SYT16: variants seen among roughly 807,000 people sequenced by gnomAD.
SYT16 encodes synaptotagmin-16.
In SYT16, 42 loss-of-function variants were observed where a neutral mutation model predicts 61.4. That is an observed-to-expected ratio of 0.68 (90% CI 0.53 to 0.89). SYT16 has a LOEUF of 0.89. Among genes scored for constraint, SYT16 ranks in the 40% least tolerant of loss-of-function variants. The pLI is 0.00. For synonymous variants in SYT16, 314 were observed against 302.3 expected, an observed-to-expected ratio of 1.04 and a Z score of -0.40; for missense variants, 804 against 807.3, an observed-to-expected ratio of 1.00 and a Z score of 0.05.
At position 62,102,183 on chromosome 14, in the gene SYT16, A is replaced by G. The variant is rs557270272; in HGVS notation, c.*1476A>G. 37 of 152,060 alleles carry G rather than the reference A, an allele frequency of 2.4e-4. No individual in the cohort carries two copies. The highest frequency in any genetic ancestry group is 8.7e-4 in the African/African-American group (36 of 41,484). The allele number at this position is 152,060 out of a possible 1,614,324, so 9.4% of individuals were successfully genotyped here. On this transcript the variant is annotated 3_prime_UTR_variant, in exon 8 of 8. Coordinates refer to ENST00000683842, the MANE Select transcript of SYT16 (RefSeq NM_001367656.1). ...GGCTGTATACAGTTAAAAACACATA[A>G]CTCCTCCTCAGCTCCACGTTTTGAC...
intron 1 of SYT16, among the ~76,000 whole-genome samples, chr14:61,834,789 G>T (rs946990711): frequency 2.6e-5 from 4 of 152,052 alleles, no homozygotes; most frequent in African/African-American, 9.7e-5. Context: ...AGTTGTACTG[G>T]TATATAAATA....
At position 61,821,039 on chromosome 14, in the gene SYT16, T is replaced by A. The variant is rs569762243; in HGVS notation, c.-325+8229T>A. Among the ~76,000 whole-genome samples, 3 of 152,172 alleles carry A rather than the reference T, an allele frequency of 2.0e-5. No individual in the cohort carries two copies. In the East Asian group the frequency reaches 5.8e-4, roughly 29 times the overall value. On this transcript the variant is annotated intron_variant, in intron 1 of 7. Coordinates refer to ENST00000683842, the MANE Select transcript of SYT16 (RefSeq NM_001367656.1). ...TGCTCTAACTCCCCATACCTGCCAA[T>A]ATGCTTTTCCCTTTGGTTTCACTAT...
chr14:62,044,997 G>C (rs1391174115), intron 3 of SYT16, among the ~76,000 whole-genome samples: 1 of 152,136 alleles, frequency 6.6e-6, no homozygotes, highest in Non-Finnish European at 1.5e-5. Context: ...AATTAGCTGG[G>C]CGTGGTGGCA....
intron 1 of SYT16, among the ~76,000 whole-genome samples, chr14:61,916,426 A>G (rs2049124057): frequency 6.6e-6 from 1 of 152,054 alleles, no homozygotes; most frequent in South Asian, 2.1e-4. Context: ...AGATTCTGGG[A>G]GGGCTTTTTT....
intron 1 of SYT16, among the ~76,000 whole-genome samples, chr14:61,926,626 G>T (rs1320339378): frequency 6.6e-6 from 1 of 152,202 alleles, no homozygotes. Context: ...TATTGGTCTC[G>T]TGGGAGAATT....
rs985510435 is a variant in SYT16 at position 62,075,532 on chromosome 14, T to C, written c.993+141T>C. ...TATCTGCAATAAATTTTTGTCCAGA[T>C]GACCAAAATCCCATGCATGTCAATA... On this transcript the variant is annotated intron_variant, in intron 5 of 7. Coordinates refer to ENST00000683842, the MANE Select transcript of SYT16 (RefSeq NM_001367656.1). 5 of 906,980 alleles carry C rather than the reference T, an allele frequency of 5.5e-6. No individual in the cohort carries two copies. In the African/African-American group the frequency reaches 7.1e-5, roughly 13 times the overall value. The allele number at this position is 906,980 out of a possible 1,614,324, so 56.2% of individuals were successfully genotyped here. A position where few individuals can be genotyped will look rare whatever the true frequency, so the allele number is the denominator to read the frequency against.
intron 2 of SYT16, among the ~76,000 whole-genome samples, chr14:61,978,767 C>A (rs561167536): frequency 6.6e-6 from 1 of 152,234 alleles, no homozygotes; most frequent in South Asian, 2.1e-4. Context: ...CCACCTGGCT[C>A]CCTCCCTCAC....
chr14:62,026,930 C>T (rs1371877071), intron 3 of SYT16, among the ~76,000 whole-genome samples: 1 of 151,788 alleles, frequency 6.6e-6, no homozygotes, highest in Non-Finnish European at 1.5e-5. Context: ...TACTTTTTTG[C>T]CTGCTTGATC....
intron 1 of SYT16, among the ~76,000 whole-genome samples, chr14:61,915,808 C>T (rs2049100896): frequency 6.6e-6 from 1 of 152,186 alleles, no homozygotes; most frequent in South Asian, 2.1e-4. Context: ...CTGAAGAACC[C>T]ATTTGAAGGT....
intron 1 of SYT16, among the ~76,000 whole-genome samples, chr14:61,935,549 G>A (rs562937525): frequency 6.6e-6 from 1 of 152,254 alleles, no homozygotes; most frequent in East Asian, 1.9e-4. Context: ...TGTGTGTCCT[G>A]ATCTATACCA....
chr14:61,987,857 T>A (rs1291931930), intron 2 of SYT16, among the ~76,000 whole-genome samples: 1 of 152,034 alleles, frequency 6.6e-6, no homozygotes, highest in Non-Finnish European at 1.5e-5. Context: ...TTAAAATCTA[T>A]CTCAAGAGGG....
intron 1 of SYT16, among the ~76,000 whole-genome samples, chr14:61,854,687 G>A (rs958210717): frequency 6.6e-6 from 1 of 152,306 alleles, no homozygotes; most frequent in Admixed American, 6.5e-5. Flanking sequence ...GGAAAGAGAG[G>A]AACCCAACAT....
At chr14:62,039,430 T>C (rs1001417553) in intron 3 of SYT16, among the ~76,000 whole-genome samples, 3 of 152,202 alleles carry the variant, frequency 2.0e-5, no homozygotes, top group Non-Finnish European at 4.4e-5. Context: ...CCACATATTA[T>C]GTATGCTAGG....
intron 1 of SYT16, among the ~76,000 whole-genome samples, chr14:61,871,875 G>C (rs1451492250): frequency 6.6e-6 from 1 of 152,074 alleles, no homozygotes; most frequent in Non-Finnish European, 1.5e-5. Context: ...AATATTGTTG[G>C]TAAAATGAGA....
intron 2 of SYT16, among the ~76,000 whole-genome samples, chr14:61,970,552 T>G (rs1303113581): frequency 6.6e-6 from 1 of 152,224 alleles, no homozygotes; most frequent in East Asian, 1.9e-4. Context: ...TGTGTTCTGT[T>G]TGACAAGAGC....
At chr14:61,932,925 A>G (rs1024128448) in intron 1 of SYT16, among the ~76,000 whole-genome samples, 2 of 152,228 alleles carry the variant, frequency 1.3e-5, no homozygotes, top group Non-Finnish European at 2.9e-5. Flanking sequence ...CCAGTCCAGT[A>G]TAGTTGTGAC....
intron 3 of SYT16, among the ~76,000 whole-genome samples, chr14:61,998,808 GC>G (rs1039694583): frequency 3.9e-5 from 6 of 151,914 alleles, no homozygotes; most frequent in African/African-American, 1.4e-4. Flanking sequence ...TTCTGTAGAT[GC>G]TCTTTATTAT....
At chr14:62,088,744 T>C (rs768301624) in intron 7 of SYT16, among the ~76,000 whole-genome samples, 16 of 152,138 alleles carry the variant, frequency 1.1e-4, no homozygotes, top group African/African-American at 3.9e-4. Flanking sequence ...GGCACAGATA[T>C]GTGAGAAAAA....
intron 5 of SYT16, 75 bp downstream of exon 5, chr14:62,075,466 T>C: frequency 7.9e-7 from 1 of 1,267,474 alleles, no homozygotes; most frequent in South Asian, 2.2e-5. Flanking sequence ...TTCTCATCTC[T>C]CTAAAAAAAA....
Sources: allele counts gnomAD v4.1 joint callset (sites outside exome capture counted in the v4.1 genomes callset), GRCh38; gene constraint gnomAD v4.1.1; transcripts MANE v1.5; gene names NCBI Gene and HGNC (gene_info 2026-07-23, HGNC 2026-07-21).